RAPGEF5: variants seen among roughly 807,000 people sequenced by gnomAD.
RAPGEF5 encodes M-Ras-regulated GEF.
In RAPGEF5, 65 loss-of-function variants were observed where a neutral mutation model predicts 125.2. The ratio of observed to expected loss-of-function variants is 0.52; its 90% CI spans 0.43 to 0.64. RAPGEF5 has a LOEUF of 0.64. Among genes scored for constraint, RAPGEF5 ranks in the 30% least tolerant of loss-of-function variants. RAPGEF5 has a pLI of 0.00. For synonymous variants in RAPGEF5, 391 were observed against 385.9 expected (o/e 1.01, Z -0.16); for missense variants, 958 against 1,048.1 (o/e 0.91, Z 1.19).
chr7:22,161,195 C>A (rs564925918), intron 13 of RAPGEF5, among the ~76,000 whole-genome samples: 2 of 151,874 alleles, frequency 1.3e-5, no homozygotes, highest in Non-Finnish European at 2.9e-5. Context: ...GGCGACAGAG[C>A]GAGACTCCGT....
chr7:22,336,978 G>A (rs933649486), intron 1 of RAPGEF5, among the ~76,000 whole-genome samples: 2 of 152,168 alleles, frequency 1.3e-5, no homozygotes, highest in African/African-American at 4.8e-5. Context: ...GAGAAAACAA[G>A]TGCACAGGCC....
chr7:22,153,073 A>G (rs1783680119), intron 17 of RAPGEF5, among the ~76,000 whole-genome samples: 2 of 152,174 alleles, frequency 1.3e-5, no homozygotes, highest in Non-Finnish European at 2.9e-5. Context: ...CCAGCTTCTC[A>G]CGAGGCCCTG....
intron 6 of RAPGEF5, among the ~76,000 whole-genome samples, chr7:22,273,180 C>G (rs13247450): frequency 0.085 from 12,828 of 150,404 alleles, 778 homozygotes; most frequent in East Asian, 0.32. Context: ...TGTATCTATC[C>G]TTACTCATCT....
At chr7:22,316,480 TATATATA>T (rs1178165974) in intron 2 of RAPGEF5, among the ~76,000 whole-genome samples, 1,354 of 50,044 alleles carry the variant, frequency 0.027, 13 homozygotes, top group Non-Finnish European at 0.037. Flanking sequence ...TATATATATA[TATATATA>T]TATTTTTTTT....
intron 7 of RAPGEF5, among the ~76,000 whole-genome samples, chr7:22,248,181 G>A (rs1045082392): frequency 6.6e-6 from 1 of 152,130 alleles, no homozygotes; most frequent in Admixed American, 6.6e-5. Flanking sequence ...CAAAAACCCT[G>A]TGCTAGAGTA....
chr7:22,220,114 G>A (rs1475025284), intron 8 of RAPGEF5, 123 bp from the exon 9 acceptor site: 10 of 1,274,588 alleles, frequency 7.8e-6, no homozygotes, highest in South Asian at 3.2e-5. Flanking sequence ...TCATGGTCTT[G>A]GTAAAATATT....
intron 5 of RAPGEF5, among the ~76,000 whole-genome samples, chr7:22,302,782 C>CA (rs1337938892): frequency 2.2e-5 from 3 of 136,278 alleles, no homozygotes; most frequent in Non-Finnish European, 4.8e-5. Context: ...CCACCCCCGC[C>CA]TTTTTTTTTT....
intron 1 of RAPGEF5, among the ~76,000 whole-genome samples, chr7:22,324,830 C>T (rs1280505391): frequency 6.6e-6 from 1 of 152,190 alleles, no homozygotes; most frequent in Non-Finnish European, 1.5e-5. Flanking sequence ...CTACATGTCA[C>T]CTTATTTTTA....
At chr7:22,323,397 T>C (rs1053442712) in intron 1 of RAPGEF5, among the ~76,000 whole-genome samples, 1 of 152,186 alleles carries the variant, frequency 6.6e-6, no homozygotes, top group Non-Finnish European at 1.5e-5. Context: ...TGGGAAAATA[T>C]ACACAACAGA....
chr7:22,313,548 C>A (rs2128153893), intron 3 of RAPGEF5, among the ~76,000 whole-genome samples: 1 of 152,314 alleles, frequency 6.6e-6, no homozygotes, highest in East Asian at 1.9e-4. Context: ...TGCTCTCTCC[C>A]CATTCTATTC....
chr7:22,239,615 T>C (rs1351162628), intron 7 of RAPGEF5, among the ~76,000 whole-genome samples: 3 of 152,074 alleles, frequency 2.0e-5, no homozygotes, highest in African/African-American at 7.2e-5. Flanking sequence ...GAGGACTCCA[T>C]TTCAACTCTT....
At chr7:22,252,106 C>T (rs1418055148) in intron 7 of RAPGEF5, among the ~76,000 whole-genome samples, 4 of 152,190 alleles carry the variant, frequency 2.6e-5, no homozygotes, top group Admixed American at 6.5e-5. Flanking sequence ...TGCCTCTCCC[C>T]CGCCTTACAC....
At chr7:22,355,164 A>G (rs1235477121) in intron 1 of RAPGEF5, among the ~76,000 whole-genome samples, 1 of 152,232 alleles carries the variant, frequency 6.6e-6, no homozygotes, top group Non-Finnish European at 1.5e-5. Context: ...GAAATAATAC[A>G]GTATTAGAAT....
intron 1 of RAPGEF5, among the ~76,000 whole-genome samples, chr7:22,347,516 A>G (rs1383653233): frequency 6.6e-6 from 1 of 152,236 alleles, no homozygotes; most frequent in African/African-American, 2.4e-5. Flanking sequence ...TCTTCAAATG[A>G]TCACAGCAAC....
chr7:22,185,937 C>T lies in RAPGEF5; in HGVS notation c.1204+7430G>A, dbSNP rs142001387. ...TGGTGCGATCTCAGCTCACTGAAAC[C>T]TCCCCCTCTAGCATTCAAGCAATTC... is the stretch of plus-strand genomic sequence containing the variant. On this transcript the variant is annotated intron_variant, in intron 11 of 25. Transcript: ENST00000665637. Among the ~76,000 whole-genome samples, 602 of 152,184 alleles carry T rather than the reference C, an allele frequency of 4.0e-3. 4 individuals are homozygous for T. The highest frequency in any genetic ancestry group is 0.014 in the African/African-American group (579 of 41,504).
intron 1 of RAPGEF5, among the ~76,000 whole-genome samples, chr7:22,355,495 C>T (rs1784404677): frequency 6.6e-6 from 1 of 152,168 alleles, no homozygotes; most frequent in African/African-American, 2.4e-5. Context: ...TTTATTCCGA[C>T]ACCACATCTT....
At chr7:22,219,732 G>A (rs565740564) in intron 9 of RAPGEF5, 134 bp downstream of exon 9, 16 of 1,209,972 alleles carry the variant, frequency 1.3e-5, no homozygotes, top group African/African-American at 3.1e-5. Context: ...TACTAAGGAG[G>A]ATGCTCTTGG....
chr7:22,355,392 T>C (rs997922117), intron 1 of RAPGEF5, among the ~76,000 whole-genome samples: 1 of 152,200 alleles, frequency 6.6e-6, no homozygotes, highest in Non-Finnish European at 1.5e-5. Context: ...TTCAGTATTC[T>C]GTGCCATGAA....
intron 12 of RAPGEF5, among the ~76,000 whole-genome samples, chr7:22,165,269 T>C (rs1220026551): frequency 6.6e-6 from 1 of 152,198 alleles, no homozygotes; most frequent in African/African-American, 2.4e-5. Context: ...TATAGGACAC[T>C]AAATTATTAA....
Sources: allele counts gnomAD v4.1 joint callset (sites outside exome capture counted in the v4.1 genomes callset), GRCh38; gene constraint gnomAD v4.1.1; transcripts MANE v1.5; gene names NCBI Gene and HGNC (gene_info 2026-07-23, HGNC 2026-07-21).